GMDS: variants seen among roughly 807,000 people sequenced by gnomAD.
GMDS encodes the protein GDP-mannose 4,6-dehydratase.
A neutral mutation model predicts 49.9 loss-of-function variants in GMDS; 20 were observed. The observed-to-expected ratio is 0.40, with a 90% CI of 0.28 to 0.58. GMDS has a LOEUF of 0.58. GMDS is among the 20% of genes least tolerant of loss of function. The probability of loss-of-function intolerance (pLI) is 0.42; values close to 1 mark genes in which losing one functional copy is unlikely to be tolerated. For missense variants in GMDS, 362 were observed against 481.4 expected (o/e 0.75, Z 2.32); for synonymous variants, 177 against 178.6 (o/e 0.99, Z 0.07).
intron 9 of GMDS, among the ~76,000 whole-genome samples, chr6:1,661,133 C>A (rs1437360632): frequency 6.6e-6 from 1 of 152,172 alleles, no homozygotes; most frequent in South Asian, 2.1e-4. Flanking sequence ...GTCCTCTCGG[C>A]TTCTGGAAAA....
intron 7 of GMDS, among the ~76,000 whole-genome samples, chr6:1,796,886 G>A (rs1042296456): frequency 7.2e-5 from 11 of 152,166 alleles, no homozygotes; most frequent in African/African-American, 2.7e-4. Context: ...CAGTAAGTCA[G>A]TAAAAAAGTG....
chr6:1,789,795 C>T (rs1769465364), intron 7 of GMDS, among the ~76,000 whole-genome samples: 1 of 152,178 alleles, frequency 6.6e-6, no homozygotes, highest in Admixed American at 6.5e-5. Flanking sequence ...CCACCTCAGC[C>T]TCCCAGTGAT....
At chr6:2,159,543 G>T in intron 1 of GMDS, among the ~76,000 whole-genome samples, 1 of 110,710 alleles carries the variant, frequency 9.0e-6, no homozygotes. Context: ...TTTTGAGACA[G>T]AGTCTTGCTC....
At chr6:2,000,027 ATC>A (rs1434761211) in intron 4 of GMDS, among the ~76,000 whole-genome samples, 1,004 of 11,438 alleles carry the variant, frequency 0.088, 221 homozygotes, top group Non-Finnish European at 0.11. Context: ...ATATATATAT[ATC>A]TATATCTTTT....
chr6:1,723,704 C>T (rs1766475481), intron 9 of GMDS, among the ~76,000 whole-genome samples: 2 of 151,772 alleles, frequency 1.3e-5, no homozygotes, highest in South Asian at 2.1e-4. Context: ...CTAAGCTGAT[C>T]GGTGAAAGCA....
At chr6:2,061,546 A>C (rs1362175298) in intron 4 of GMDS, among the ~76,000 whole-genome samples, 1 of 151,766 alleles carries the variant, frequency 6.6e-6, no homozygotes, top group Admixed American at 6.6e-5. Context: ...GCAAAACCCT[A>C]TCTCTACTAA....
At chr6:1,834,716 G>C (rs1437793507) in intron 7 of GMDS, among the ~76,000 whole-genome samples, 2 of 151,974 alleles carry the variant, frequency 1.3e-5, no homozygotes, top group African/African-American at 4.8e-5. Flanking sequence ...AATAATTCCA[G>C]AATAACTCAT....
chr6:1,742,760 C>T (rs3734741), intron 7 of GMDS, among the ~76,000 whole-genome samples, 174 bp from the exon 8 acceptor site: 64,940 of 152,004 alleles, frequency 0.43, 14,480 homozygotes, highest in East Asian at 0.65. Context: ...ATCCGAATAA[C>T]ATGAGGAACT....
At chr6:1,826,006 G>T (rs1387160592) in intron 7 of GMDS, among the ~76,000 whole-genome samples, 1 of 151,976 alleles carries the variant, frequency 6.6e-6, no homozygotes, top group East Asian at 1.9e-4. Context: ...ACAGATTGAG[G>T]CTCTCTCTCA....
intron 7 of GMDS, among the ~76,000 whole-genome samples, chr6:1,827,942 A>G (rs1434031966): frequency 6.6e-6 from 1 of 152,214 alleles, no homozygotes; most frequent in East Asian, 1.9e-4. Context: ...TCAAAGGAAC[A>G]AAATAAAATG....
intron 4 of GMDS, among the ~76,000 whole-genome samples, chr6:2,075,765 T>G (rs1314469905): frequency 2.0e-5 from 3 of 152,224 alleles, no homozygotes; most frequent in African/African-American, 7.2e-5. Flanking sequence ...TCTTTGGGTA[T>G]ATACCCAGTA....
At chr6:1,829,049 AG>A (rs1371370203) in intron 7 of GMDS, among the ~76,000 whole-genome samples, 1 of 152,240 alleles carries the variant, frequency 6.6e-6, no homozygotes, top group Non-Finnish European at 1.5e-5. Flanking sequence ...GAAAATCATA[AG>A]AAACATATAT....
chr6:1,871,362 A>T (rs2113803487), intron 7 of GMDS, among the ~76,000 whole-genome samples: 1 of 152,360 alleles, frequency 6.6e-6, no homozygotes, highest in African/African-American at 2.4e-5. Context: ...GTGAAAGAAC[A>T]TTAATTTTGA....
chr6:1,787,737 C>G (rs1455660957), intron 7 of GMDS, among the ~76,000 whole-genome samples: 1 of 152,218 alleles, frequency 6.6e-6, no homozygotes, highest in African/African-American at 2.4e-5. Context: ...ACAAAGCCCA[C>G]ATCAATTTCA....
At chr6:1,658,389 C>A (rs1036577266) in intron 9 of GMDS, among the ~76,000 whole-genome samples, 16 of 152,374 alleles carry the variant, frequency 1.1e-4, no homozygotes, top group African/African-American at 3.6e-4. Flanking sequence ...ATAAGAGTAT[C>A]ATCCCACCGA....
At chr6:1,835,431 G>A (rs1028735293) in intron 7 of GMDS, among the ~76,000 whole-genome samples, 2 of 152,174 alleles carry the variant, frequency 1.3e-5, no homozygotes, top group African/African-American at 4.8e-5. Context: ...GTAGGGAGTT[G>A]TTATAACAAA....
intron 7 of GMDS, among the ~76,000 whole-genome samples, chr6:1,874,429 T>C (rs895301756): frequency 4.6e-5 from 7 of 152,184 alleles, no homozygotes; most frequent in Admixed American, 6.5e-5. Flanking sequence ...CTCAATTATA[T>C]TATTTTGAAG....
chr6:1,999,996 T>TATATATATATTTTATATATATATA (rs1255621997), intron 4 of GMDS, among the ~76,000 whole-genome samples: 1 of 10,450 alleles, frequency 9.6e-5, no homozygotes, highest in Non-Finnish European at 2.2e-4. Context: ...TATATATATA[T>TATATATATATTTTATATATATATA]TATATATATA....
rs371326468 is a variant in GMDS, at chr6:1,723,856, G to C, written c.987+2560C>G. Among the ~76,000 whole-genome samples the C allele has an allele frequency of 8.7e-4, 132 of 152,240 alleles. 4 individuals carry two copies. In the South Asian group the frequency reaches 0.015, roughly 17 times the overall value. The stretch of plus-strand genomic sequence containing the variant: ...ATGTAGACAAACCTCAAAGAAGCTT[G>C]GTGCTTTTCAGGACTCATACCAAAT... On this transcript the variant is annotated intron_variant, in intron 9 of 10. Transcript: ENST00000380815.
Sources: allele counts gnomAD v4.1 joint callset (sites outside exome capture counted in the v4.1 genomes callset), GRCh38; gene constraint gnomAD v4.1.1; transcripts MANE v1.5; gene names NCBI Gene and HGNC (gene_info 2026-07-23, HGNC 2026-07-21).